ZBBX: variants seen among roughly 807,000 people sequenced by gnomAD.
The protein encoded by ZBBX is zinc finger B-box domain-containing protein 1.
A neutral mutation model predicts 108.5 loss-of-function variants in ZBBX; 101 were observed. The observed-to-expected ratio is 0.93, with a 90% CI of 0.79 to 1.10. The LOEUF (loss-of-function observed/expected upper bound fraction) is 1.10, where lower values mean the gene tolerates loss of function less well. Ranked by LOEUF, ZBBX falls within the 50% of genes least tolerant of loss-of-function variation. The pLI, the probability that ZBBX is intolerant of heterozygous loss-of-function variation, is 0.00. For missense variants in ZBBX, 1,009 were observed against 941.4 expected (o/e 1.07, Z -0.94); for synonymous variants, 356 against 323.4 (o/e 1.10, Z -1.08).
At position 167,315,971 on chromosome 3, in the gene ZBBX, A is replaced by T. The variant is rs1465450944; in HGVS notation, c.1195-142T>A. 1.5e-5 allele frequency: 8 copies of T among 532,368 alleles called. No homozygotes were observed. The East Asian group carries it at 2.4e-4, about 16-fold the overall frequency. The allele number at this position is 532,368 out of a possible 1,614,324, so 33.0% of individuals were successfully genotyped here. A position where few individuals can be genotyped will look rare whatever the true frequency, so the allele number is the denominator to read the frequency against. ...GCTCTAATTATATTTTATAACACAT[A>T]AGTTCTAGGAGAACTAAACAAATTC... On this transcript the variant is annotated intron_variant, in intron 14 of 21. Transcript: ENST00000675490.
chr3:167,378,770 T>G (rs889151920), intron 2 of ZBBX, among the ~76,000 whole-genome samples: 1 of 152,224 alleles, frequency 6.6e-6, no homozygotes, highest in Non-Finnish European at 1.5e-5. Flanking sequence ...TGAGCTTTAG[T>G]GTTTACCTCT....
At chr3:167,343,545 C>T (rs888599933) in intron 9 of ZBBX, among the ~76,000 whole-genome samples, 3 of 151,834 alleles carry the variant, frequency 2.0e-5, no homozygotes, top group Non-Finnish European at 4.4e-5. Context: ...CTGAACTGTC[C>T]CACATCCAGG....
chr3:167,290,398 A>T (rs1445307076), intron 18 of ZBBX, among the ~76,000 whole-genome samples: 3 of 152,214 alleles, frequency 2.0e-5, no homozygotes, highest in African/African-American at 4.8e-5. Flanking sequence ...TCCGCTGGTG[A>T]TACCCAGGCA....
intron 20 of ZBBX, among the ~76,000 whole-genome samples, chr3:167,264,271 C>G (rs1725097056): frequency 6.6e-6 from 1 of 152,070 alleles, no homozygotes; most frequent in South Asian, 2.1e-4. Flanking sequence ...GTTTTGTAGT[C>G]TTCTCTTCTG....
chr3:167,366,053 C>T, intron 5 of ZBBX, 77 bp from the exon 6 acceptor site: 1 of 1,136,346 alleles, frequency 8.8e-7, no homozygotes, highest in Non-Finnish European at 1.2e-6. Flanking sequence ...TACAGTGTTC[C>T]TGTTTCAGAA....
chr3:167,384,776 G>C (rs548107008), upstream of ZBBX, among the ~76,000 whole-genome samples: 1 of 151,988 alleles, frequency 6.6e-6, no homozygotes, highest in Non-Finnish European at 1.5e-5. Context: ...TGCAAATGAG[G>C]TTGGCAACCT....
At chr3:167,284,560 G>A (rs753372621) in intron 19 of ZBBX, among the ~76,000 whole-genome samples, 22 of 152,158 alleles carry the variant, frequency 1.4e-4, no homozygotes, top group Non-Finnish European at 2.8e-4. Context: ...AATGAAGAAA[G>A]AAAAATTTAA....
chr3:167,357,245 A>G (rs923957730), intron 8 of ZBBX, among the ~76,000 whole-genome samples: 1 of 152,186 alleles, frequency 6.6e-6, no homozygotes, highest in Non-Finnish European at 1.5e-5. Flanking sequence ...GAAGAAACAG[A>G]TATCAATGTC....
intron 10 of ZBBX, among the ~76,000 whole-genome samples, chr3:167,332,520 C>A (rs946030561): frequency 6.6e-6 from 1 of 152,030 alleles, no homozygotes; most frequent in African/African-American, 2.4e-5. Context: ...CACAGAGGAG[C>A]CTACTCTATC....
chr3:167,321,934 A>G (rs1315426214), intron 12 of ZBBX, among the ~76,000 whole-genome samples, 183 bp downstream of exon 12: 2 of 152,040 alleles, frequency 1.3e-5, no homozygotes, highest in Non-Finnish European at 2.9e-5. Context: ...GATGCATCAT[A>G]TACATAAATA....
At chr3:167,323,493 GGGA>G (rs1195966851) in intron 11 of ZBBX, among the ~76,000 whole-genome samples, 2 of 152,040 alleles carry the variant, frequency 1.3e-5, no homozygotes, top group African/African-American at 4.8e-5. Flanking sequence ...AATATTTGCT[GGGA>G]GGAGACTCTT....
At chr3:167,319,277 G>A (rs955295691) in intron 12 of ZBBX, among the ~76,000 whole-genome samples, 22 of 151,914 alleles carry the variant, frequency 1.4e-4, no homozygotes, top group South Asian at 2.1e-4. Context: ...ATGAAAGGAC[G>A]GATACTGTAT....
intron 6 of ZBBX, among the ~76,000 whole-genome samples, chr3:167,364,552 T>C (rs1215980029): frequency 8.5e-5 from 3 of 35,166 alleles, no homozygotes; most frequent in African/African-American, 3.5e-4. Flanking sequence ...TTGAGTGAGT[T>C]ATTTAGTTTT....
At chr3:167,384,235 C>T (rs1383946785), upstream of ZBBX, among the ~76,000 whole-genome samples, 1 of 151,938 alleles carries the variant, frequency 6.6e-6, no homozygotes, top group East Asian at 1.9e-4. Context: ...TATATTAGTC[C>T]AAGATAGAAA....
At chr3:167,264,730 C>A (rs1285961265) in intron 20 of ZBBX, among the ~76,000 whole-genome samples, 1 of 152,222 alleles carries the variant, frequency 6.6e-6, no homozygotes, top group Non-Finnish European at 1.5e-5. Flanking sequence ...TCACAGTCAA[C>A]AATCTCAGCA....
Position 167,322,254 on chromosome 3 carries a change from A to T in ZBBX, c.863-17T>A. 1 of 1,431,904 alleles carries T rather than the reference A, an allele frequency of 7.0e-7. No individual in the cohort carries two copies. The highest frequency in any genetic ancestry group is 2.7e-5 in the East Asian group (1 of 37,510). 88.7% of individuals were successfully genotyped at this position (1,431,904 alleles called of 1,614,324 possible). A position where few individuals can be genotyped will look rare whatever the true frequency, so the allele number is the denominator to read the frequency against. The stretch of plus-strand genomic sequence containing the variant: ...CCAATGAGTCTGTAAAAATAAACAC[A>T]ATGTGCATAATTAAAATAAGCAAGT... On this transcript the variant is annotated splice_polypyrimidine_tract_variant and intron_variant, in intron 11 of 21. Transcript: ENST00000675490.
intron 12 of ZBBX, among the ~76,000 whole-genome samples, chr3:167,320,243 CA>C (rs201604484): frequency 0.015 from 1,494 of 98,310 alleles, 20 homozygotes; most frequent in African/African-American, 0.044. Flanking sequence ...GCAAACTAAC[CA>C]AAAAAAAAAA....
At chr3:167,358,466 AT>A (rs1174960513) in intron 8 of ZBBX, among the ~76,000 whole-genome samples, 1 of 152,154 alleles carries the variant, frequency 6.6e-6, no homozygotes, top group Non-Finnish European at 1.5e-5. Context: ...AGCAATGTTA[AT>A]ATACTTAATG....
intron 9 of ZBBX, among the ~76,000 whole-genome samples, chr3:167,342,743 T>C (rs1033344285): frequency 6.6e-6 from 1 of 151,580 alleles, no homozygotes; most frequent in East Asian, 1.9e-4. Flanking sequence ...CTTCTGTAAC[T>C]TACTTATTTC....
Sources: gnomAD v4.1 joint callset for allele counts (sites outside exome capture counted in the v4.1 genomes callset) on GRCh38, gnomAD v4.1.1 for gene constraint, MANE v1.5 for transcripts, NCBI Gene and HGNC (gene_info 2026-07-23, HGNC 2026-07-21) for gene names.